PFKFB3: variants seen among roughly 807,000 people sequenced by gnomAD.
PFKFB3 encodes the protein 6-phosphofructo-2-kinase/fructose-2,6-bisphosphatase 3.
PFKFB3 carries 33 observed loss-of-function variants against 68.0 expected under a neutral mutation model. The observed-to-expected ratio is 0.49, with a 90% CI of 0.37 to 0.65. The LOEUF (loss-of-function observed/expected upper bound fraction) is 0.65, where lower values mean the gene tolerates loss of function less well. Among genes scored for constraint, PFKFB3 ranks in the 30% least tolerant of loss-of-function variants. The pLI, the probability that PFKFB3 is intolerant of heterozygous loss-of-function variation, is 0.00. For missense variants in PFKFB3, 586 were observed against 712.2 expected, an observed-to-expected ratio of 0.82 and a Z score of 2.02; for synonymous variants, 315 against 288.2, an observed-to-expected ratio of 1.09 and a Z score of -0.94.
chr10:6,259,600 A>ATCCG (rs1320895337), downstream of PFKFB3, among the ~76,000 whole-genome samples: 1 of 151,170 alleles, frequency 6.6e-6, no homozygotes, highest in African/African-American at 2.4e-5. Flanking sequence ...CCATCCATCC[A>ATCCG]TCCATCCATC....
chr10:6,175,935 C>T (rs1842452533), intron 1 of PFKFB3, among the ~76,000 whole-genome samples: 3 of 152,218 alleles, frequency 2.0e-5, no homozygotes, highest in African/African-American at 7.2e-5. Flanking sequence ...CAGCATTTAC[C>T]AGAGCCAAGC....
At position 6,240,972 on chromosome 10, in the gene PFKFB3, T is replaced by C. The variant is rs527667030; in HGVS notation, c.1516-13206T>C. ...CATGCTGGAGTGCAATGGCATGATC[T>C]CAGCTCACTGCAACCTCCATCTCCC... is the stretch of plus-strand genomic sequence containing the variant. On this transcript the variant is annotated intron_variant, in intron 14 of 14. Coordinates refer to the PFKFB3 transcript ENST00000640683. Among the ~76,000 whole-genome samples, 12 of 152,204 alleles carry C rather than the reference T, an allele frequency of 7.9e-5. No homozygotes were observed. The East Asian group carries it at 2.1e-3, about 27-fold the overall frequency.
At position 6,220,819 on chromosome 10, in the gene PFKFB3, A is replaced by G. The variant is rs1844901917; in HGVS notation, c.785A>G (p.Gln262Arg). 1.2e-6 allele frequency: 2 copies of G among 1,613,446 alleles called. No individual in the cohort carries two copies. Among genetic ancestry groups the G allele is most frequent in the African/African-American group, 1.3e-5 (1 of 74,920 alleles). ...CACGGCGAGAACGAGCACAACCTCC[A>G]GGGCCGCATCGGGGGCGACTCAGGC... Reference protein sequence around the residue: ...CRHGENEHNLQGRIGGDSGLS... With the variant: ...CRHGENEHNLRGRIGGDSGLS... Residue 262 changes from glutamine (Q) to arginine (R), a missense_variant, in exon 8 of 15, where the codon CAG (glutamine) becomes CGG (arginine). By Grantham distance (43) the Gln-to-Arg change is conservative. Coordinates refer to ENST00000379775, the MANE Select transcript of PFKFB3 (RefSeq NM_004566.4). This position sits in a 1 kb window ranked among gnomAD's most constrained non-coding sequence, Gnocchi z 4.1.
At chr10:6,273,972 G>A in the PFKFB3 span, among the ~76,000 whole-genome samples, 1 of 152,160 alleles carries the variant, frequency 6.6e-6, no homozygotes, top group Non-Finnish European at 1.5e-5. Flanking sequence ...TTGGGAAGCT[G>A]AGGCAGGAGG....
At chr10:6,147,752 C>T (rs769821346) in intron 1 of PFKFB3, among the ~76,000 whole-genome samples, 34 of 150,074 alleles carry the variant, frequency 2.3e-4, no homozygotes, top group African/African-American at 5.3e-4. Flanking sequence ...GCCAGAGGGC[C>T]GGGGAGCCTG....
intron 1 of PFKFB3, among the ~76,000 whole-genome samples, chr10:6,185,639 CTTTT>C (rs59230234): frequency 2.5e-5 from 3 of 120,544 alleles, no homozygotes; most frequent in Non-Finnish European, 3.3e-5. Context: ...CTCCCCGCTC[CTTTT>C]TTTTTTTTTT....
chr10:6,145,032 C>T, intron 1 of PFKFB3: 1 of 1,330,182 alleles, frequency 7.5e-7, no homozygotes, highest in Non-Finnish European at 9.6e-7. Context: ...CCCGGTGACG[C>T]GGCCCACGCC....
the PFKFB3 span, among the ~76,000 whole-genome samples, chr10:6,314,199 C>T: frequency 6.6e-6 from 1 of 152,256 alleles, no homozygotes; most frequent in African/African-American, 2.4e-5. Flanking sequence ...CCTCTTTTTA[C>T]TCATTCCATT....
At chr10:6,162,779 T>C (rs1345963083) in intron 1 of PFKFB3, among the ~76,000 whole-genome samples, 3 of 152,180 alleles carry the variant, frequency 2.0e-5, no homozygotes, top group Non-Finnish European at 2.9e-5. Flanking sequence ...TCTTAACTCC[T>C]GTTCCAGGCT....
chr10:6,260,005 C>G, the PFKFB3 span, among the ~76,000 whole-genome samples: 1 of 152,018 alleles, frequency 6.6e-6, no homozygotes, highest in Admixed American at 6.6e-5. Flanking sequence ...GTATTATTGT[C>G]CACATTGTAA....
the PFKFB3 span, among the ~76,000 whole-genome samples, chr10:6,272,143 G>A: frequency 2.6e-5 from 4 of 152,246 alleles, no homozygotes; most frequent in Non-Finnish European, 5.9e-5. Flanking sequence ...TTATGAACAA[G>A]TGCAAAGCAC....
At chr10:6,296,554 G>T in the PFKFB3 span, among the ~76,000 whole-genome samples, 1 of 152,206 alleles carries the variant, frequency 6.6e-6, no homozygotes, top group African/African-American at 2.4e-5. Flanking sequence ...GTGACTTCTG[G>T]ATTATATGCT....
Position 6,157,445 on chromosome 10 carries a change from C to T in PFKFB3, c.16+12432C>T, listed in dbSNP as rs535359472. On this transcript the variant is annotated intron_variant, in intron 1 of 14. Transcript: ENST00000379789. ...GTTTCACCGTGTTAGCCAGGATGGT[C>T]TCGATCTCCTGACCTCGTGATCCGC... is the stretch of plus-strand genomic sequence containing the variant. Among the ~76,000 whole-genome samples, 10 of 152,256 alleles carry T rather than the reference C, an allele frequency of 6.6e-5. 1 individual carries two copies. In the South Asian group the frequency reaches 1.9e-3, roughly 28 times the overall value.
At chr10:6,227,671 G>A (rs1288275867) in intron 14 of PFKFB3, among the ~76,000 whole-genome samples, 1 of 152,198 alleles carries the variant, frequency 6.6e-6, no homozygotes, top group African/African-American at 2.4e-5. Context: ...AAGCCTGGAG[G>A]CCTGGCTTTG....
At chr10:6,164,223 C>T (rs1319711778) in intron 1 of PFKFB3, among the ~76,000 whole-genome samples, 1 of 93,882 alleles carries the variant, frequency 1.1e-5, no homozygotes, top group Non-Finnish European at 3.2e-5. Context: ...GCGGTGGAGG[C>T]GCCGCCAGTG....
chr10:6,148,638 A>G (rs1841476119), intron 1 of PFKFB3, among the ~76,000 whole-genome samples: 1 of 152,210 alleles, frequency 6.6e-6, no homozygotes, highest in Non-Finnish European at 1.5e-5. Context: ...CGTGAAACAT[A>G]AAAGAAATTC....
At chr10:6,290,301 T>C in the PFKFB3 span, among the ~76,000 whole-genome samples, 1 of 151,808 alleles carries the variant, frequency 6.6e-6, no homozygotes, top group Non-Finnish European at 1.5e-5. Flanking sequence ...AAGAGAATGC[T>C]TCCAGTTTTT....
chr10:6,199,754 G>T (rs948328097), upstream of PFKFB3, among the ~76,000 whole-genome samples: 1 of 142,688 alleles, frequency 7.0e-6, no homozygotes, highest in African/African-American at 2.6e-5. Flanking sequence ...GTCCGCCTGA[G>T]CCACCCAAAG....
chr10:6,170,266 C>T (rs1356240780), intron 1 of PFKFB3, among the ~76,000 whole-genome samples: 1 of 152,178 alleles, frequency 6.6e-6, no homozygotes, highest in Non-Finnish European at 1.5e-5. Flanking sequence ...TTATCCTGGG[C>T]AACTTTTTGG....
Sources: gnomAD v4.1 joint callset for allele counts (sites outside exome capture counted in the v4.1 genomes callset) on GRCh38, gnomAD v4.1.1 for gene constraint, Gnocchi (gnomAD v3.1) non-coding constraint, MANE v1.5 for transcripts, NCBI Gene and HGNC (gene_info 2026-07-23, HGNC 2026-07-21) for gene names.